Variants in CPM observed in about 807,000 individuals in gnomAD.
The protein encoded by CPM is renal carboxypeptidase.
In CPM, 35 loss-of-function variants were observed where a neutral mutation model predicts 46.4. That is an observed-to-expected ratio of 0.75 (90% CI 0.58 to 1.00). The LOEUF (loss-of-function observed/expected upper bound fraction) is 1.00, where lower values mean the gene tolerates loss of function less well. CPM is among the 50% of genes least tolerant of loss of function. The pLI is 0.00. For synonymous variants in CPM, 195 were observed against 195.3 expected (o/e 1.00, Z 0.01); for missense variants, 422 against 530.4 (o/e 0.80, Z 2.01).
At chr12:68,949,149 T>A (rs1250531119) in intron 1 of CPM, among the ~76,000 whole-genome samples, 1 of 152,186 alleles carries the variant, frequency 6.6e-6, no homozygotes, top group African/African-American at 2.4e-5. Flanking sequence ...GGTGGGTGGA[T>A]CACTTGAGTC....
intron 2 of CPM, among the ~76,000 whole-genome samples, chr12:68,925,437 CT>C (rs1445327657): frequency 2.8e-4 from 42 of 152,244 alleles, no homozygotes; most frequent in Non-Finnish European, 5.9e-5. Context: ...CAGATTTTTG[CT>C]GTCTTAGCTA....
At chr12:68,936,476 C>A (rs937708614), upstream of CPM, among the ~76,000 whole-genome samples, 1 of 152,056 alleles carries the variant, frequency 6.6e-6, no homozygotes, top group Non-Finnish European at 1.5e-5. Context: ...CTCCACCTCC[C>A]GGGTTCAAGC....
intron 2 of CPM, among the ~76,000 whole-genome samples, chr12:68,906,988 T>C (rs771715864): frequency 6.6e-6 from 1 of 152,240 alleles, no homozygotes; most frequent in South Asian, 2.1e-4. Flanking sequence ...AATCCCTGCA[T>C]GAACACATCA....
chr12:68,859,271 T>TA (rs549796210), intron 7 of CPM, among the ~76,000 whole-genome samples, 200 bp from the exon 8 acceptor site: 384 of 152,302 alleles, frequency 2.5e-3, no homozygotes, highest in Middle Eastern at 0.01. Context: ...ATTTATAGCT[T>TA]AAATTTGTTC....
chr12:68,879,705 C>T (rs1886106251), intron 3 of CPM, among the ~76,000 whole-genome samples: 1 of 152,074 alleles, frequency 6.6e-6, no homozygotes, highest in East Asian at 1.9e-4. Context: ...TGCCTTGCTT[C>T]AATATTTCCA....
intron 2 of CPM, among the ~76,000 whole-genome samples, chr12:68,926,717 C>T (rs575488185): frequency 6.6e-6 from 1 of 152,204 alleles, no homozygotes; most frequent in South Asian, 2.1e-4. Flanking sequence ...CCCCGCTCCC[C>T]CAACCCCACA....
At chr12:68,934,278 C>G (rs981075588), upstream of CPM, among the ~76,000 whole-genome samples, 1 of 152,094 alleles carries the variant, frequency 6.6e-6, no homozygotes, top group Non-Finnish European at 1.5e-5. Context: ...GGATGCAAGC[C>G]CACGACTAAT....
upstream of CPM, among the ~76,000 whole-genome samples, chr12:68,934,187 C>A (rs1159388476): frequency 6.6e-6 from 1 of 151,946 alleles, no homozygotes; most frequent in African/African-American, 2.4e-5. Context: ...TATTGGGGGC[C>A]CGTGTCAAGG....
At chr12:68,871,460 G>A (rs185555823) in intron 4 of CPM, among the ~76,000 whole-genome samples, 10 of 152,252 alleles carry the variant, frequency 6.6e-5, no homozygotes, top group African/African-American at 1.7e-4. Context: ...GCAGGGAAAC[G>A]GTGTGTGTAA....
intron 1 of CPM, among the ~76,000 whole-genome samples, chr12:68,938,465 C>T (rs1426445570): frequency 6.6e-6 from 1 of 151,960 alleles, no homozygotes; most frequent in Non-Finnish European, 1.5e-5. Context: ...TATTAACCAG[C>T]GCCCTAATGT....
At chr12:68,910,323 G>T (rs2136291150) in intron 2 of CPM, among the ~76,000 whole-genome samples, 1 of 152,178 alleles carries the variant, frequency 6.6e-6, no homozygotes, top group South Asian at 2.1e-4. Context: ...AAGTGAAAAA[G>T]CCAAGTTGCA....
chr12:68,892,276 T>C (rs906486130), intron 2 of CPM, among the ~76,000 whole-genome samples: 1 of 152,174 alleles, frequency 6.6e-6, no homozygotes, highest in Non-Finnish European at 1.5e-5. Context: ...TACTGGCTTC[T>C]GTTGTTGAGG....
At chr12:68,943,879 T>TA (rs1888802360) in intron 1 of CPM, among the ~76,000 whole-genome samples, 1 of 151,942 alleles carries the variant, frequency 6.6e-6, no homozygotes, top group Non-Finnish European at 1.5e-5. Context: ...TTTTTTTTTT[T>TA]TAAAAACTGT....
intron 2 of CPM, among the ~76,000 whole-genome samples, chr12:68,929,389 G>A (rs1284362560): frequency 6.6e-6 from 1 of 152,148 alleles, no homozygotes. Context: ...AAAAATGGGA[G>A]GTGCTTCCTT....
chr12:68,922,742 C>T (rs77150825), intron 2 of CPM, among the ~76,000 whole-genome samples: 3,157 of 151,972 alleles, frequency 0.021, 122 homozygotes, highest in African/African-American at 0.072. Flanking sequence ...ATGCAGCAGT[C>T]CTCAGAAAAC....
At chr12:68,893,354 T>C (rs1185555182) in intron 2 of CPM, among the ~76,000 whole-genome samples, 1 of 152,138 alleles carries the variant, frequency 6.6e-6, no homozygotes, top group Non-Finnish European at 1.5e-5. Context: ...CTCGCAAAGC[T>C]GAGAGCCTGT....
intron 1 of CPM, among the ~76,000 whole-genome samples, chr12:68,960,815 C>T (rs900872496): frequency 4.6e-5 from 7 of 152,144 alleles, no homozygotes; most frequent in Non-Finnish European, 8.8e-5. Flanking sequence ...TCATTTGAGA[C>T]CTTTGCTATG....
chr12:68,865,642 T>A (rs1232229508), intron 7 of CPM, among the ~76,000 whole-genome samples: 2 of 150,952 alleles, frequency 1.3e-5, no homozygotes, highest in South Asian at 2.2e-4. Context: ...ACTCACACTC[T>A]CTCTCTCTCT....
intron 1 of CPM, among the ~76,000 whole-genome samples, chr12:68,943,867 AT>A (rs149755714): frequency 0.017 from 2,484 of 147,614 alleles, 24 homozygotes; most frequent in Middle Eastern, 0.036. Flanking sequence ...CCATTTCTGG[AT>A]TTTTTTTTTT....
Sources: gnomAD v4.1 joint callset for allele counts (sites outside exome capture counted in the v4.1 genomes callset) on GRCh38, gnomAD v4.1.1 for gene constraint, MANE v1.5 for transcripts, NCBI Gene and HGNC (gene_info 2026-07-23, HGNC 2026-07-21) for gene names.